The following SHISA9 variants were observed in gnomAD, a reference collection of about 807,000 sequenced individuals.
SHISA9 encodes the protein shisa family member 9, also known as protein shisa-9.
A neutral mutation model predicts 38.0 loss-of-function variants in SHISA9; 13 were observed. The ratio of observed to expected loss-of-function variants is 0.34; its 90% confidence interval spans 0.22 to 0.54. The LOEUF (loss-of-function observed/expected upper bound fraction) is 0.54. SHISA9 is among the 20% of genes least tolerant of loss of function. The pLI is 0.91. For missense variants in SHISA9, 538 were observed against 575.8 expected (o/e 0.93, Z 0.67); for synonymous variants, 275 against 242.0 (o/e 1.14, Z -1.27).
intron 3 of SHISA9, among the ~76,000 whole-genome samples, chr16:13,207,541 C>G (rs1476044562): frequency 1.3e-5 from 2 of 152,054 alleles, no homozygotes; most frequent in Non-Finnish European, 2.9e-5. Flanking sequence ...AAGCATCCCA[C>G]GTGGGACACC....
intron 2 of SHISA9, among the ~76,000 whole-genome samples, chr16:12,963,378 G>T (rs1015601510): frequency 1.3e-5 from 2 of 152,176 alleles, no homozygotes; most frequent in Non-Finnish European, 2.9e-5. Context: ...CATGGCCTTT[G>T]TCTTCAGGAG....
chr16:13,430,740 T>C, the SHISA9 span, among the ~76,000 whole-genome samples: 2 of 86,778 alleles, frequency 2.3e-5, no homozygotes, highest in East Asian at 9.1e-4. Flanking sequence ...AACCCATCTC[T>C]AAACAAAAAA....
At chr16:13,397,412 T>TTTGG in the SHISA9 span, among the ~76,000 whole-genome samples, 1 of 138,332 alleles carries the variant, frequency 7.2e-6, no homozygotes, top group Non-Finnish European at 1.5e-5. Flanking sequence ...TTACAGTGTT[T>TTTGG]TTGGTTTGTT....
At chr16:13,269,236 A>G in the SHISA9 span, among the ~76,000 whole-genome samples, 1 of 152,174 alleles carries the variant, frequency 6.6e-6, no homozygotes, top group African/African-American at 2.4e-5. Context: ...ACTATATAGC[A>G]TGGTTTTGAA....
the SHISA9 span, among the ~76,000 whole-genome samples, chr16:13,343,641 G>C: frequency 6.6e-6 from 1 of 152,130 alleles, no homozygotes; most frequent in South Asian, 2.1e-4. Flanking sequence ...TAAAGTCCTA[G>C]TTGATTCACA....
the SHISA9 span, among the ~76,000 whole-genome samples, chr16:13,411,587 C>G: frequency 1.3e-5 from 2 of 152,230 alleles, no homozygotes; most frequent in African/African-American, 4.8e-5. Context: ...TGCTGTTGCT[C>G]TGCCATCCTG....
intron 2 of SHISA9, among the ~76,000 whole-genome samples, chr16:13,011,722 C>T (rs2072678422): frequency 1.3e-5 from 2 of 152,108 alleles, no homozygotes; most frequent in South Asian, 2.1e-4. Flanking sequence ...AGGGTTTCAC[C>T]GTATTAACCA....
At chr16:12,966,149 A>G (rs947818607) in intron 2 of SHISA9, among the ~76,000 whole-genome samples, 1 of 152,224 alleles carries the variant, frequency 6.6e-6, no homozygotes, top group Non-Finnish European at 1.5e-5. Context: ...GATGTCCCCT[A>G]GAGGGCAAAA....
chr16:13,262,654 A>AAGGAAGGAAGGGAGGGAGGGAGGGAGGG, the SHISA9 span, among the ~76,000 whole-genome samples: 1 of 47,716 alleles, frequency 2.1e-5, no homozygotes, highest in Non-Finnish European at 4.1e-5. Flanking sequence ...GGAAGGAAGG[A>AAGGAAGGAAGGGAGGGAGGGAGGGAGGG]AGGAAGGAAG....
At chr16:13,553,264 C>T in the SHISA9 span, among the ~76,000 whole-genome samples, 3 of 152,282 alleles carry the variant, frequency 2.0e-5, no homozygotes, top group Non-Finnish European at 4.4e-5. Flanking sequence ...ACTGAGGCAC[C>T]AAGAGGGCAG....
At chr16:12,918,863 A>C (rs939197881) in intron 2 of SHISA9, among the ~76,000 whole-genome samples, 1 of 152,198 alleles carries the variant, frequency 6.6e-6, no homozygotes, top group African/African-American at 2.4e-5. Context: ...GGTTGATCCA[A>C]TTCTTCTTTC....
the SHISA9 span, among the ~76,000 whole-genome samples, chr16:13,481,850 G>A: frequency 1.3e-5 from 2 of 152,196 alleles, no homozygotes; most frequent in Admixed American, 1.3e-4. Flanking sequence ...TTTCAAAATT[G>A]AAGTGGAAAT....
chr16:13,299,350 T>G, the SHISA9 span, among the ~76,000 whole-genome samples: 1 of 152,182 alleles, frequency 6.6e-6, no homozygotes, highest in African/African-American at 2.4e-5. Context: ...GTTGCCTTTT[T>G]ACCGATGAAG....
At chr16:13,099,384 G>T (rs1443582331) in intron 2 of SHISA9, among the ~76,000 whole-genome samples, 1 of 152,164 alleles carries the variant, frequency 6.6e-6, no homozygotes, top group Non-Finnish European at 1.5e-5. Flanking sequence ...ATATAAGAAG[G>T]TAGCAAGCAC....
At chr16:13,084,752 GACCA>G (rs1376862471) in intron 2 of SHISA9, among the ~76,000 whole-genome samples, 1 of 151,982 alleles carries the variant, frequency 6.6e-6, no homozygotes, top group East Asian at 1.9e-4. Flanking sequence ...TTAGACCATA[GACCA>G]TAGACCATAG....
intron 2 of SHISA9, among the ~76,000 whole-genome samples, chr16:13,073,725 A>G (rs573819052): frequency 6.6e-6 from 1 of 152,196 alleles, no homozygotes; most frequent in African/African-American, 2.4e-5. Context: ...CCTCAAACCA[A>G]TGACAAGTGT....
intron 2 of SHISA9, among the ~76,000 whole-genome samples, chr16:12,984,510 C>T (rs1165529364): frequency 6.6e-6 from 1 of 152,164 alleles, no homozygotes; most frequent in East Asian, 1.9e-4. Flanking sequence ...AAATGGGACA[C>T]TTTCCTTAGA....
At chr16:12,994,800 G>GT (rs1567175700) in intron 2 of SHISA9, among the ~76,000 whole-genome samples, 1 of 152,140 alleles carries the variant, frequency 6.6e-6, no homozygotes, top group Non-Finnish European at 1.5e-5. Flanking sequence ...AAGGATGTCC[G>GT]TATCTTTGGC....
At chr16:13,396,231 A>C in the SHISA9 span, among the ~76,000 whole-genome samples, 1 of 152,166 alleles carries the variant, frequency 6.6e-6, no homozygotes, top group Admixed American at 6.5e-5. Context: ...AATCGGCCGG[A>C]TGCAATGGCT....
Sources: allele counts gnomAD v4.1 joint callset (sites outside exome capture counted in the v4.1 genomes callset), GRCh38; gene constraint gnomAD v4.1.1; transcripts MANE v1.5; gene names NCBI Gene and HGNC (gene_info 2026-07-23, HGNC 2026-07-21).